TMEM266: variants seen among roughly 807,000 people sequenced by gnomAD.
TMEM266 encodes Hv1 related protein 1.
Under a neutral mutation model 50.5 loss-of-function variants are expected in TMEM266, and 33 were observed. That is an observed-to-expected ratio of 0.65 (90% CI 0.50 to 0.87). The LOEUF (loss-of-function observed/expected upper bound fraction) is 0.87. Among genes scored for constraint, TMEM266 ranks in the 40% least tolerant of loss-of-function variants. The pLI is 0.00. For missense variants in TMEM266, 655 were observed against 695.1 expected (o/e 0.94, Z 0.65); for synonymous variants, 310 against 292.3 (o/e 1.06, Z -0.62).
chr15:76,122,263 C>T (rs2037357956), intron 1 of TMEM266, among the ~76,000 whole-genome samples: 1 of 152,260 alleles, frequency 6.6e-6, no homozygotes, highest in East Asian at 1.9e-4. Context: ...TTCATGTTTG[C>T]TTACCATCTA....
chr15:76,201,766 G>A (rs2038752595), intron 9 of TMEM266, among the ~76,000 whole-genome samples: 1 of 152,222 alleles, frequency 6.6e-6, no homozygotes, highest in Non-Finnish European at 1.5e-5. Flanking sequence ...TGGCACCTCA[G>A]CCCTGTGGCT....
At chr15:76,077,210 TC>T (rs1178527250) in intron 1 of TMEM266, among the ~76,000 whole-genome samples, 1 of 152,036 alleles carries the variant, frequency 6.6e-6, no homozygotes, top group Non-Finnish European at 1.5e-5. Flanking sequence ...AAGTGATCAA[TC>T]CACCTTGGCC....
At chr15:76,130,022 G>T (rs533061406) in intron 1 of TMEM266, among the ~76,000 whole-genome samples, 1 of 149,826 alleles carries the variant, frequency 6.7e-6, no homozygotes, top group African/African-American at 2.5e-5. Flanking sequence ...CTAGGAGTTC[G>T]AGACCAGCCT....
At chr15:76,064,192 C>T (rs1333993573) in intron 1 of TMEM266, among the ~76,000 whole-genome samples, 1 of 152,174 alleles carries the variant, frequency 6.6e-6, no homozygotes, top group East Asian at 1.9e-4. Context: ...TTCCTACTGG[C>T]TTTTTACACA....
intron 1 of TMEM266, among the ~76,000 whole-genome samples, chr15:76,122,409 A>G (rs531145018): frequency 6.6e-6 from 1 of 152,362 alleles, no homozygotes; most frequent in East Asian, 1.9e-4. Context: ...TTTTTTTACA[A>G]TCTTACCATA....
In TMEM266 at chr15:76,203,745, C is replaced by T. The variant is rs199679215; in HGVS notation, c.1026C>T (p.Ser342=). ...AGATCCCCTCCTACCTTGCAGACAG[C>T]GGTGTCCCAGAGCCAGCTGTGTGTA... The change falls in exon 11 of 11, where the codon AGC becomes AGT. Residue 342 remains serine, a synonymous_variant. Coordinates refer to ENST00000388942, the MANE Select transcript of TMEM266 (RefSeq NM_152335.3). 214 of 1,611,086 alleles carry T rather than the reference C, an allele frequency of 1.3e-4. 1 individual carries two copies. The East Asian group carries it at 3.3e-3, about 25-fold the overall frequency.
At chr15:76,179,456 G>T (rs749983467) in intron 8 of TMEM266, among the ~76,000 whole-genome samples, 8 of 152,168 alleles carry the variant, frequency 5.3e-5, no homozygotes, top group Non-Finnish European at 7.3e-5. Flanking sequence ...TAGTCCAGGG[G>T]GGCATAGAAC....
chr15:76,071,268 G>A (rs1040837607), intron 1 of TMEM266, among the ~76,000 whole-genome samples: 2 of 152,190 alleles, frequency 1.3e-5, no homozygotes, highest in African/African-American at 2.4e-5. Flanking sequence ...GATATTTTGT[G>A]AAGATGCTAG....
In TMEM266 at chr15:76,139,583, G is replaced by A. The variant is rs554772689; in HGVS notation, c.227+1688G>A. Among the ~76,000 whole-genome samples the A allele has an allele frequency of 2.1e-3, 323 of 152,288 alleles. No individual in the cohort carries two copies. The highest frequency in any genetic ancestry group is 6.8e-3 in the Middle Eastern group (2 of 294). ...GCTGCTGTCTTGAAATTCTTAAGGA[G>A]CCCCACATTTTCACTGGGCTCTGCA... On this transcript the variant is annotated intron_variant, in intron 3 of 10. Transcript: ENST00000388942. The surrounding 1 kb of genome is among the most constrained non-coding windows in gnomAD (Gnocchi z 4.1).
chr15:76,085,495 G>A (rs919854642), intron 1 of TMEM266, among the ~76,000 whole-genome samples: 10 of 149,460 alleles, frequency 6.7e-5, no homozygotes, highest in African/African-American at 2.5e-4. Context: ...CCTGACCTCA[G>A]TTGATCCACC....
At chr15:76,156,511 G>T in intron 3 of TMEM266, 93 bp from the exon 4 acceptor site, 1 of 1,355,194 alleles carries the variant, frequency 7.4e-7, no homozygotes, top group East Asian at 2.3e-5. Flanking sequence ...GAGGAGTGAC[G>T]CTGGTGGGTT....
At chr15:76,110,591 G>A (rs2037156483) in intron 1 of TMEM266, among the ~76,000 whole-genome samples, 1 of 152,196 alleles carries the variant, frequency 6.6e-6, no homozygotes, top group African/African-American at 2.4e-5. Context: ...GACATGGACT[G>A]CCAAACAGGG....
rs1457217159 is a variant in TMEM266 at position 76,203,905 on chromosome 15, CGG to C, written c.1188_1189del (p.Ala397ProfsTer3). The C allele has an allele frequency of 2.5e-6, 4 of 1,614,014 alleles. No homozygotes were observed. Among genetic ancestry groups the C allele is most frequent in the Non-Finnish European group, 3.4e-6 (4 of 1,180,046 alleles). On this transcript the variant is annotated frameshift_variant, in exon 11 of 11. Coordinates refer to ENST00000388942, the MANE Select transcript of TMEM266 (RefSeq NM_152335.3). LOFTEE classifies it high-confidence loss of function. The stretch of plus-strand genomic sequence containing the variant: ...GAGTGCCTCCCGCAGCTCAGTCACC[CGG>C]GCCCAGAGTGACAGCAGCCAGACGC...
At position 76,090,270 on chromosome 15, in the gene TMEM266, T is replaced by C. The variant is rs150099535; in HGVS notation, c.-97+30254T>C. Among the ~76,000 whole-genome samples, 883 of 151,970 alleles carry C rather than the reference T, an allele frequency of 5.8e-3. 9 individuals carry two copies. Among genetic ancestry groups the C allele is most frequent in the African/African-American group, 0.02 (844 of 41,460 alleles). ...ACTTTGGGAGGCTGAGGTGGGTGGA[T>C]TGCTTGAGGCCAGGAGTTCAAGACC... On this transcript the variant is annotated intron_variant, in intron 1 of 10. Transcript: ENST00000388942.
chr15:76,189,362 GAGGA>G (rs570387591), intron 8 of TMEM266, among the ~76,000 whole-genome samples: 310 of 144,682 alleles, frequency 2.1e-3, no homozygotes, highest in African/African-American at 6.8e-3. Flanking sequence ...GGGAGGGAGG[GAGGA>G]AGGAAGGAAG....
At chr15:76,203,589 G>A (rs2038784855) in intron 10 of TMEM266, 152 bp from the exon 11 acceptor site, 1 of 690,534 alleles carries the variant, frequency 1.4e-6, no homozygotes, top group East Asian at 2.5e-5. Context: ...AGAACTGGGA[G>A]GGAGTTCTAC....
chr15:76,143,706 A>C (rs2037715418), intron 3 of TMEM266, among the ~76,000 whole-genome samples: 1 of 152,020 alleles, frequency 6.6e-6, no homozygotes, highest in Non-Finnish European at 1.5e-5. Flanking sequence ...CAGGCCTTTT[A>C]AAAATTGTTT....
intron 8 of TMEM266, chr15:76,181,205 G>A (rs917480532): frequency 6.6e-6 from 1 of 152,332 alleles, no homozygotes. Flanking sequence ...CAGCAGTTAT[G>A]AGGCCAGGAC....
Position 76,101,506 on chromosome 15 carries a change from G to A in TMEM266, c.-96-32662G>A, listed in dbSNP as rs118040871. Among the ~76,000 whole-genome samples the A allele has an allele frequency of 7.5e-4, 115 of 152,340 alleles. 1 individual carries two copies. In the East Asian group the frequency reaches 0.021, roughly 28 times the overall value. ...GAGGTAGACGCAAGTTCCAGAACTG[G>A]TGCAGGCACTGACACATTGGGAGAC... On this transcript the variant is annotated intron_variant, in intron 1 of 10. Transcript: ENST00000388942.
Sources: allele counts gnomAD v4.1 joint callset (sites outside exome capture counted in the v4.1 genomes callset), GRCh38; gene constraint gnomAD v4.1.1; non-coding constraint Gnocchi (gnomAD v3.1); transcripts MANE v1.5; gene names NCBI Gene and HGNC (gene_info 2026-07-23, HGNC 2026-07-21).